KCND2: variants seen among roughly 807,000 people sequenced by gnomAD.
KCND2 encodes potassium voltage-gated channel subfamily D member 2.
KCND2 carries 16 observed loss-of-function variants against 54.4 expected under a neutral mutation model. That is an observed-to-expected ratio of 0.29 (90% confidence interval 0.20 to 0.45). KCND2 has a LOEUF of 0.45. Ranked by LOEUF, KCND2 falls within the 20% of genes least tolerant of loss-of-function variation. The probability of loss-of-function intolerance (pLI) is 1.00; values close to 1 mark genes in which losing one functional copy is unlikely to be tolerated. For synonymous variants in KCND2, 317 were observed against 310.7 expected (o/e 1.02, Z -0.21); for missense variants, 486 against 824.2 (o/e 0.59, Z 5.02).
intron 1 of KCND2, among the ~76,000 whole-genome samples, chr7:120,709,559 T>C (rs1167445886): frequency 1.3e-5 from 2 of 152,186 alleles, no homozygotes; most frequent in Non-Finnish European, 2.9e-5. Context: ...GGTTGTTTTA[T>C]CTTTCTCCTC....
At chr7:120,525,928 A>G (rs924629302) in intron 1 of KCND2, among the ~76,000 whole-genome samples, 3 of 152,182 alleles carry the variant, frequency 2.0e-5, no homozygotes, top group East Asian at 3.9e-4. Context: ...TAATGGTGTT[A>G]TATGTGTCAG....
intron 1 of KCND2, among the ~76,000 whole-genome samples, chr7:120,716,379 C>A (rs534906115): frequency 6.6e-6 from 1 of 152,142 alleles, no homozygotes; most frequent in African/African-American, 2.4e-5. Flanking sequence ...AGGTTCTTTG[C>A]TCTCTTCTCC....
chr7:120,729,777 A>G (rs1458004905), intron 1 of KCND2, among the ~76,000 whole-genome samples: 1 of 152,210 alleles, frequency 6.6e-6, no homozygotes, highest in African/African-American at 2.4e-5. Context: ...TCAGTTGTGA[A>G]GGAATGTTGG....
intron 1 of KCND2, among the ~76,000 whole-genome samples, chr7:120,610,058 C>T (rs985649752): frequency 6.6e-6 from 1 of 152,122 alleles, no homozygotes; most frequent in Non-Finnish European, 1.5e-5. Context: ...GTGCCTGCTA[C>T]TGGCTGAGTG....
chr7:120,496,606 A>G (rs1356022858), intron 1 of KCND2, among the ~76,000 whole-genome samples: 1 of 151,532 alleles, frequency 6.6e-6, no homozygotes, highest in Non-Finnish European at 1.5e-5. Flanking sequence ...TCGTATTTTT[A>G]GTAGAGACGG....
intron 1 of KCND2, among the ~76,000 whole-genome samples, chr7:120,594,507 C>G (rs1190671406): frequency 2.6e-5 from 4 of 152,338 alleles, no homozygotes; most frequent in Middle Eastern, 3.4e-3. Flanking sequence ...AGAGAACTCT[C>G]TGGAGGCTCC....
At chr7:120,346,114 TATGCTTC>T (rs1177281407) in intron 1 of KCND2, among the ~76,000 whole-genome samples, 1 of 152,218 alleles carries the variant, frequency 6.6e-6, no homozygotes, top group Non-Finnish European at 1.5e-5. Context: ...CATCTTTTCA[TATGCTTC>T]TTGGCCATTT....
chr7:120,665,222 A>G (rs1468658718), intron 1 of KCND2, among the ~76,000 whole-genome samples: 2 of 152,096 alleles, frequency 1.3e-5, no homozygotes. Flanking sequence ...TAATAAAACC[A>G]TTGAATAATT....
intron 1 of KCND2, among the ~76,000 whole-genome samples, chr7:120,645,412 A>G (rs111531629): frequency 8.5e-4 from 130 of 152,198 alleles, no homozygotes; most frequent in African/African-American, 3.0e-3. Context: ...TCTGTGTCCC[A>G]TGGCTGGCCA....
intron 1 of KCND2, among the ~76,000 whole-genome samples, chr7:120,604,510 CAATAAT>C (rs36229417): frequency 0.093 from 12,959 of 140,014 alleles, 647 homozygotes; most frequent in South Asian, 0.17. Context: ...CTAAAAATAA[CAATAAT>C]AATAATAATA....
At chr7:120,737,013 C>T (rs1584901765) in intron 2 of KCND2, among the ~76,000 whole-genome samples, 1 of 134,178 alleles carries the variant, frequency 7.5e-6, no homozygotes, top group South Asian at 2.6e-4. Flanking sequence ...ACTTTAGATT[C>T]ATTAGAATCA....
At chr7:120,579,703 T>TA (rs1554371021) in intron 1 of KCND2, among the ~76,000 whole-genome samples, 47 of 151,172 alleles carry the variant, frequency 3.1e-4, no homozygotes, top group South Asian at 1.5e-3. Context: ...TTTCTTTTTT[T>TA]TAAAAAAAAT....
intron 1 of KCND2, among the ~76,000 whole-genome samples, chr7:120,324,893 T>G (rs940966045): frequency 1.4e-5 from 2 of 141,250 alleles, no homozygotes; most frequent in African/African-American, 5.2e-5. Context: ...CCTTGGGCAG[T>G]ATGGCCATTT....
chr7:120,595,461 AT>A (rs201474983), intron 1 of KCND2, among the ~76,000 whole-genome samples: 3,969 of 97,202 alleles, frequency 0.041, 193 homozygotes, highest in African/African-American at 0.16. Context: ...CAAAAAAAAA[AT>A]ATATATATAT....
At chr7:120,381,633 T>C (rs1563027898) in intron 1 of KCND2, among the ~76,000 whole-genome samples, 1 of 152,030 alleles carries the variant, frequency 6.6e-6, no homozygotes, top group Non-Finnish European at 1.5e-5. Context: ...GTAATTTCAG[T>C]TATACCTGGG....
intron 1 of KCND2, among the ~76,000 whole-genome samples, chr7:120,353,649 A>G (rs1282618504): frequency 6.6e-6 from 1 of 152,116 alleles, no homozygotes. Flanking sequence ...TAGACCATCA[A>G]ACATATGGGT....
chr7:120,514,516 T>C (rs1803168297), intron 1 of KCND2, among the ~76,000 whole-genome samples: 1 of 152,174 alleles, frequency 6.6e-6, no homozygotes, highest in Admixed American at 6.6e-5. Flanking sequence ...TTCTAATTTA[T>C]ATCCCTATCT....
intron 1 of KCND2, among the ~76,000 whole-genome samples, chr7:120,670,291 AATCT>A (rs1791976060): frequency 6.6e-6 from 1 of 152,126 alleles, no homozygotes; most frequent in African/African-American, 2.4e-5. Flanking sequence ...TTTATAGGTC[AATCT>A]GAGAGCCAAA....
intron 1 of KCND2, among the ~76,000 whole-genome samples, chr7:120,679,967 A>G (rs1223929714): frequency 6.6e-6 from 1 of 152,114 alleles, no homozygotes; most frequent in Non-Finnish European, 1.5e-5. Context: ...AATAAGGTAA[A>G]GGAAAAAGTC....
Sources: gnomAD v4.1 joint callset for allele counts (sites outside exome capture counted in the v4.1 genomes callset) on GRCh38, gnomAD v4.1.1 for gene constraint, MANE v1.5 for transcripts, NCBI Gene and HGNC (gene_info 2026-07-23, HGNC 2026-07-21) for gene names.